Variants in KLHL1 observed in about 807,000 individuals in gnomAD.
The protein encoded by KLHL1 is kelch-like protein 1.
A neutral mutation model predicts 77.7 loss-of-function variants in KLHL1; 47 were observed. The observed-to-expected ratio is 0.60, with a 90% CI of 0.48 to 0.77. KLHL1 has a LOEUF of 0.77. Among genes scored for constraint, KLHL1 ranks in the 30% least tolerant of loss-of-function variants. The pLI, the probability that KLHL1 is intolerant of heterozygous loss-of-function variation, is 0.00. For missense variants in KLHL1, 925 were observed against 910.8 expected (o/e 1.02, Z -0.20); for synonymous variants, 360 against 325.2 (o/e 1.11, Z -1.15).
intron 4 of KLHL1, among the ~76,000 whole-genome samples, chr13:69,883,833 G>A (rs1218452187): frequency 6.6e-6 from 1 of 152,168 alleles, no homozygotes; most frequent in African/African-American, 2.4e-5. Flanking sequence ...TACATGTTTA[G>A]AGAAGACAGA....
chr13:70,038,157 G>C (rs532722912), intron 1 of KLHL1, among the ~76,000 whole-genome samples: 1 of 151,976 alleles, frequency 6.6e-6, no homozygotes, highest in Admixed American at 6.5e-5. Flanking sequence ...TTAATATACA[G>C]TAAAGTGACC....
intron 5 of KLHL1, among the ~76,000 whole-genome samples, chr13:69,861,171 G>A (rs917705631): frequency 7.9e-5 from 12 of 151,994 alleles, no homozygotes; most frequent in Non-Finnish European, 1.6e-4. Flanking sequence ...AGTCTACCCT[G>A]TCAACTGATA....
Position 69,707,670 on chromosome 13 carries a change from G to T in KLHL1, c.2142C>A (p.Leu714=), listed in dbSNP as rs1309347552. 1 of 1,612,532 alleles carries T rather than the reference G, an allele frequency of 6.2e-7. No individual in the cohort carries two copies. The highest frequency in any genetic ancestry group is 8.5e-7 in the Non-Finnish European group (1 of 1,179,066). The change falls in exon 10 of 11, where the codon CTC becomes CTA. Residue 714 remains leucine, a synonymous_variant. Coordinates refer to ENST00000377844, the MANE Select transcript of KLHL1 (RefSeq NM_020866.3). ...GTGGGTCATAGGATTCCATAGTGTT[G>T]AGGTATGTCTGTCCATCATAGCCAC... ...AVGGYDGQTY[L]NTMESYDPQT...
chr13:70,020,037 C>G (rs1885750912), intron 1 of KLHL1, among the ~76,000 whole-genome samples: 1 of 152,014 alleles, frequency 6.6e-6, no homozygotes, highest in Admixed American at 6.6e-5. Context: ...GCAAAAAGGC[C>G]CTCACCTAAT....
chr13:69,860,165 G>A (rs1377482634), intron 5 of KLHL1, among the ~76,000 whole-genome samples: 1 of 152,074 alleles, frequency 6.6e-6, no homozygotes, highest in Non-Finnish European at 1.5e-5. Context: ...TATGTTAAGT[G>A]TCTATTAATC....
intron 7 of KLHL1, among the ~76,000 whole-genome samples, chr13:69,789,222 C>A (rs2138023227): frequency 6.6e-6 from 1 of 152,116 alleles, no homozygotes; most frequent in East Asian, 1.9e-4. Context: ...TTCACTCAGA[C>A]ATTGAATTTC....
intron 4 of KLHL1, among the ~76,000 whole-genome samples, chr13:69,900,983 T>C (rs745658548): frequency 3.0e-4 from 46 of 152,238 alleles, no homozygotes; most frequent in Non-Finnish European, 6.2e-4. Context: ...ATTAGCTTTG[T>C]CTTTGGTTCT....
chr13:69,731,706 G>A (rs74090428), intron 8 of KLHL1, among the ~76,000 whole-genome samples: 36 of 152,182 alleles, frequency 2.4e-4, no homozygotes, highest in African/African-American at 8.7e-4. Flanking sequence ...TTGTGATTCT[G>A]GTTCACCTTT....
At chr13:70,075,588 T>TATATATATATACAC (rs1221350719) in intron 1 of KLHL1, among the ~76,000 whole-genome samples, 7 of 122,002 alleles carry the variant, frequency 5.7e-5, no homozygotes, top group African/African-American at 1.5e-4. Context: ...TATATATATA[T>TATATATATATACAC]ACACACACAC....
intron 7 of KLHL1, among the ~76,000 whole-genome samples, chr13:69,780,020 T>TCTC (rs1197235021): frequency 8.6e-5 from 13 of 151,298 alleles, no homozygotes; most frequent in Non-Finnish European, 1.9e-4. Flanking sequence ...GCCAGGCTTG[T>TCTC]CTCTATCTAT....
At chr13:69,979,056 C>A (rs1232910762) in intron 1 of KLHL1, among the ~76,000 whole-genome samples, 2 of 151,536 alleles carry the variant, frequency 1.3e-5, no homozygotes, top group Non-Finnish European at 2.9e-5. Flanking sequence ...CTTCTTTTAT[C>A]TAATCTAGTT....
chr13:70,013,250 A>T (rs993606641), intron 1 of KLHL1, among the ~76,000 whole-genome samples: 4 of 152,172 alleles, frequency 2.6e-5, no homozygotes, highest in Non-Finnish European at 4.4e-5. Flanking sequence ...TCTATACATT[A>T]AAAAAATACT....
At chr13:69,922,125 T>C (rs1319095054) in intron 4 of KLHL1, among the ~76,000 whole-genome samples, 1 of 151,994 alleles carries the variant, frequency 6.6e-6, no homozygotes, top group Non-Finnish European at 1.5e-5. Flanking sequence ...TTCCTTTTTT[T>C]TAATATAAAG....
At chr13:69,943,381 A>G (rs1883424817) in intron 3 of KLHL1, among the ~76,000 whole-genome samples, 1 of 152,120 alleles carries the variant, frequency 6.6e-6, no homozygotes, top group African/African-American at 2.4e-5. Flanking sequence ...AAAGAAATCT[A>G]AAGCATGCCT....
chr13:69,936,251 GC>G (rs2138292116), intron 4 of KLHL1, among the ~76,000 whole-genome samples: 1 of 152,198 alleles, frequency 6.6e-6, no homozygotes, highest in South Asian at 2.1e-4. Flanking sequence ...GAGGAAAAAT[GC>G]CTGGGTAGCA....
chr13:69,962,167 G>T (rs1208461579), intron 2 of KLHL1, among the ~76,000 whole-genome samples: 2 of 151,780 alleles, frequency 1.3e-5, no homozygotes, highest in Admixed American at 6.6e-5. Flanking sequence ...AAGTTTTCCT[G>T]AAAATTGCTA....
chr13:69,965,488 G>A (rs1322218665), intron 2 of KLHL1, among the ~76,000 whole-genome samples: 7 of 152,014 alleles, frequency 4.6e-5, no homozygotes, highest in Admixed American at 2.0e-4. Context: ...CCTTCTCCAT[G>A]GGTCTCCCTG....
chr13:69,813,503 C>CACACACACACACACACATATATAT (rs34163072), intron 6 of KLHL1, among the ~76,000 whole-genome samples: 1 of 148,840 alleles, frequency 6.7e-6, no homozygotes, highest in African/African-American at 2.5e-5. Context: ...CACACACACA[C>CACACACACACACACACATATATAT]ATATATATAT....
chr13:69,756,014 C>T (rs898250001), intron 7 of KLHL1, among the ~76,000 whole-genome samples: 3 of 152,028 alleles, frequency 2.0e-5, no homozygotes, highest in African/African-American at 7.2e-5. Context: ...GCCATTGGGC[C>T]GTTAGTGGAA....
Sources: gnomAD v4.1 joint callset for allele counts (sites outside exome capture counted in the v4.1 genomes callset) on GRCh38, gnomAD v4.1.1 for gene constraint, MANE v1.5 for transcripts, NCBI Gene and HGNC (gene_info 2026-07-23, HGNC 2026-07-21) for gene names.